The following GRIK3 variants were observed in gnomAD, a reference collection of about 807,000 sequenced individuals.
The protein encoded by GRIK3 is glutamate receptor ionotropic, kainate 3.
Under a neutral mutation model 102.5 loss-of-function variants are expected in GRIK3, and 29 were observed. That is an observed-to-expected ratio of 0.28 (90% CI 0.21 to 0.39). The LOEUF (loss-of-function observed/expected upper bound fraction) is 0.39, where lower values mean the gene tolerates loss of function less well. Ranked by LOEUF, GRIK3 falls within the 10% of genes least tolerant of loss-of-function variation. The pLI is 1.00. For synonymous variants in GRIK3, 511 were observed against 504.9 expected (o/e 1.01, Z -0.16); for missense variants, 908 against 1,252.4 (o/e 0.73, Z 4.15).
intron 1 of GRIK3, among the ~76,000 whole-genome samples, chr1:37,017,085 C>T (rs925704762): frequency 6.6e-6 from 1 of 151,924 alleles, no homozygotes; most frequent in African/African-American, 2.4e-5. Flanking sequence ...TATGATGGCA[C>T]ACACCTGTAG....
chr1:36,844,155 C>T (rs1244685557), intron 9 of GRIK3, among the ~76,000 whole-genome samples: 1 of 152,204 alleles, frequency 6.6e-6, no homozygotes, highest in Non-Finnish European at 1.5e-5. Flanking sequence ...TCAACAGTCC[C>T]TTGGGATGCT....
Position 37,013,110 on chromosome 1 carries a change from T to G in GRIK3, c.115+20884A>C, listed in dbSNP as rs573724490. Among the ~76,000 whole-genome samples the G allele has an allele frequency of 2.1e-4, 32 of 152,212 alleles. 1 individual carries two copies. Among genetic ancestry groups the G allele is most frequent in the Admixed American group, 2.1e-3 (32 of 15,286 alleles). On this transcript the variant is annotated intron_variant, in intron 1 of 15. Transcript: ENST00000373091. ...CAGAAGGTAAAAGGCACGTCTTACATGGTGACAGGCAAGAGAGAATGAGAG... is the reference window on the plus strand; with the variant it reads ...CAGAAGGTAAAAGGCACGTCTTACAGGGTGACAGGCAAGAGAGAATGAGAG...
In GRIK3 at chr1:36,972,039, T is replaced by A. The variant is rs556622059; in HGVS notation, c.115+61955A>T. Among the ~76,000 whole-genome samples, 23 of 152,290 alleles carry A rather than the reference T, an allele frequency of 1.5e-4. No homozygotes were observed. In the East Asian group the frequency reaches 3.7e-3, roughly 24 times the overall value. ...TTAAACTTCTCTGAATGGAAATGAA[T>A]CACGGAGCCAGGCAGGAGGGGGCTT... On this transcript the variant is annotated intron_variant, in intron 1 of 15. Coordinates refer to ENST00000373091, the MANE Select transcript of GRIK3 (RefSeq NM_000831.4).
At chr1:36,956,909 G>A (rs182213769) in intron 1 of GRIK3, among the ~76,000 whole-genome samples, 39 of 152,354 alleles carry the variant, frequency 2.6e-4, no homozygotes, top group African/African-American at 9.4e-4. Context: ...TTCATTGTTC[G>A]TTCACTTACC....
intron 10 of GRIK3, among the ~76,000 whole-genome samples, chr1:36,841,387 T>C (rs956920320): frequency 6.6e-6 from 1 of 152,174 alleles, no homozygotes. Context: ...AGCTGGGGCA[T>C]CCTCTGGTGG....
intron 1 of GRIK3, among the ~76,000 whole-genome samples, chr1:36,948,337 C>T (rs189386161): frequency 4.0e-4 from 61 of 152,310 alleles, no homozygotes; most frequent in Middle Eastern, 6.8e-3. Flanking sequence ...AGGCCTACTA[C>T]GTGCCAGGCT....
chr1:36,943,882 TCTG>T (rs2124327758), intron 1 of GRIK3, among the ~76,000 whole-genome samples: 1 of 152,368 alleles, frequency 6.6e-6, no homozygotes, highest in East Asian at 1.9e-4. Flanking sequence ...CATGAGCTGG[TCTG>T]CTGCAAGCAT....
chr1:36,810,083 C>T (rs1642545606), intron 13 of GRIK3, among the ~76,000 whole-genome samples: 1 of 152,302 alleles, frequency 6.6e-6, no homozygotes, highest in Non-Finnish European at 1.5e-5. Flanking sequence ...TGCTGTCCTT[C>T]TGTCCTTGAG....
At chr1:36,851,408 T>C (rs1333386030) in intron 8 of GRIK3, among the ~76,000 whole-genome samples, 2 of 152,212 alleles carry the variant, frequency 1.3e-5, no homozygotes, top group African/African-American at 2.4e-5. Flanking sequence ...CCTGCCTACA[T>C]AGACCACCCA....
At chr1:36,938,066 C>T (rs992708635) in intron 1 of GRIK3, among the ~76,000 whole-genome samples, 5 of 152,238 alleles carry the variant, frequency 3.3e-5, no homozygotes, top group African/African-American at 1.2e-4. Context: ...AGTCCATGCC[C>T]TTCAGGCACT....
At chr1:36,814,689 C>T (rs1026073078) in intron 13 of GRIK3, among the ~76,000 whole-genome samples, 5 of 151,842 alleles carry the variant, frequency 3.3e-5, no homozygotes, top group African/African-American at 4.8e-5. Flanking sequence ...CACAGGCATA[C>T]ACACACAAAG....
chr1:37,011,976 C>G (rs1026580006), intron 1 of GRIK3, among the ~76,000 whole-genome samples: 1 of 152,174 alleles, frequency 6.6e-6, no homozygotes, highest in Non-Finnish European at 1.5e-5. Context: ...CCACCTCCCC[C>G]ATGCCTTGGG....
intron 2 of GRIK3, among the ~76,000 whole-genome samples, chr1:36,889,429 C>A (rs928585014): frequency 9.2e-5 from 14 of 152,012 alleles, no homozygotes; most frequent in African/African-American, 3.4e-4. Flanking sequence ...GAAGGCCAAG[C>A]TGGGGCTAGA....
Position 36,872,005 on chromosome 1 carries a change from G to A in GRIK3, c.732+183C>T, listed in dbSNP as rs940179142. Among the ~76,000 whole-genome samples, 7 of 152,180 alleles carry A rather than the reference G, an allele frequency of 4.6e-5. No homozygotes were observed. The highest frequency in any genetic ancestry group is 1.3e-4 in the Admixed American group (2 of 15,280). On this transcript the variant is annotated intron_variant, in intron 4 of 15. Coordinates refer to ENST00000373091, the MANE Select transcript of GRIK3 (RefSeq NM_000831.4). The surrounding 1 kb of genome is among the most constrained non-coding windows in gnomAD (Gnocchi z 5.9). ...TCACAGAGTAAATACTGCAGTGTCC[G>A]TTTTGCTACTGGTGAAAATGAGGCT...
chr1:36,971,896 C>A (rs1338480684), intron 1 of GRIK3, among the ~76,000 whole-genome samples: 1 of 152,178 alleles, frequency 6.6e-6, no homozygotes, highest in Non-Finnish European at 1.5e-5. Flanking sequence ...CCTGGAGACA[C>A]CCTTTTGGAG....
intron 1 of GRIK3, among the ~76,000 whole-genome samples, chr1:36,927,984 A>T (rs1045973758): frequency 1.3e-5 from 2 of 152,218 alleles, no homozygotes. Flanking sequence ...GGGGGGTACC[A>T]GGCCTTGACT....
At chr1:36,996,677 C>T (rs563264369) in intron 1 of GRIK3, among the ~76,000 whole-genome samples, 10 of 152,172 alleles carry the variant, frequency 6.6e-5, no homozygotes, top group South Asian at 2.1e-4. Context: ...GCTTCCCCAC[C>T]GGGCGCTTTC....
intron 1 of GRIK3, among the ~76,000 whole-genome samples, chr1:36,953,050 A>G (rs1280628892): frequency 2.6e-5 from 4 of 152,162 alleles, no homozygotes; most frequent in African/African-American, 9.7e-5. Context: ...GAGGAGCGGG[A>G]GGAGGAGGAA....
chr1:37,003,104 CACCAGGGAG>C (rs1175409080), intron 1 of GRIK3, among the ~76,000 whole-genome samples: 6 of 150,600 alleles, frequency 4.0e-5, no homozygotes, highest in Non-Finnish European at 8.8e-5. Context: ...TCCCTTTGGC[CACCAGGGAG>C]CGTAGAGTCA....
Sources: gnomAD v4.1 joint callset for allele counts (sites outside exome capture counted in the v4.1 genomes callset) on GRCh38, gnomAD v4.1.1 for gene constraint, Gnocchi (gnomAD v3.1) non-coding constraint, MANE v1.5 for transcripts, NCBI Gene and HGNC (gene_info 2026-07-23, HGNC 2026-07-21) for gene names.